TUB: variants seen among roughly 807,000 people sequenced by gnomAD.
TUB encodes tubby protein homolog.
In TUB, 33 loss-of-function variants were observed where a neutral mutation model predicts 59.7. The observed-to-expected ratio is 0.55, with a 90% CI of 0.42 to 0.74. The LOEUF (loss-of-function observed/expected upper bound fraction) is 0.74. TUB is among the 30% of genes least tolerant of loss of function. The probability of loss-of-function intolerance (pLI) is 0.00; values close to 1 mark genes in which losing one functional copy is unlikely to be tolerated. For missense variants in TUB, 659 were observed against 672.0 expected, an observed-to-expected ratio of 0.98 and a Z score of 0.21; for synonymous variants, 293 against 256.4, an observed-to-expected ratio of 1.14 and a Z score of -1.36.
At chr11:8,023,438 C>T (rs977901049) in intron 1 of TUB, among the ~76,000 whole-genome samples, 1 of 152,190 alleles carries the variant, frequency 6.6e-6, no homozygotes, top group Admixed American at 6.5e-5. Flanking sequence ...TGCCAAAGTG[C>T]TCCTCTTTTC....
chr11:8,104,065 T>C lies in TUB; in HGVS notation c.*2446T>C, dbSNP rs529270789. The C allele has an allele frequency of 1.3e-5, 2 of 152,374 alleles. No individual in the cohort carries two copies. The highest frequency in any genetic ancestry group is 4.1e-4 in the South Asian group (2 of 4,826). The allele number at this position is 152,374 out of a possible 1,614,324, so 9.4% of individuals were successfully genotyped here. The stretch of plus-strand genomic sequence containing the variant: ...CTGAGTGCACTCCTGGTGATCCTGG[T>C]TTTCCTTGACCACTGGCCCTGGGGC... On this transcript the variant is annotated 3_prime_UTR_variant, in exon 12 of 12. Coordinates refer to ENST00000299506, the MANE Select transcript of TUB (RefSeq NM_177972.3).
intron 9 of TUB, 70 bp from the exon 10 acceptor site, chr11:8,100,433 C>T: frequency 5.7e-6 from 7 of 1,231,162 alleles, no homozygotes; most frequent in Middle Eastern, 2.2e-4. Flanking sequence ...CTCTTTATTC[C>T]CGTCCCCCCC....
At chr11:8,040,438 G>T (rs1199819634) in intron 2 of TUB, among the ~76,000 whole-genome samples, 6 of 152,140 alleles carry the variant, frequency 3.9e-5, no homozygotes, top group Non-Finnish European at 7.3e-5. Context: ...GAGAAATGGG[G>T]GGCACCTGGG....
chr11:8,090,609 C>T (rs974047750), intron 3 of TUB, among the ~76,000 whole-genome samples: 1 of 152,180 alleles, frequency 6.6e-6, no homozygotes, highest in Admixed American at 6.5e-5. Context: ...ACTGTCCTGC[C>T]CCATATCAAC....
intron 3 of TUB, among the ~76,000 whole-genome samples, chr11:8,092,383 T>C (rs910795352): frequency 1.3e-5 from 2 of 151,982 alleles, no homozygotes; most frequent in Admixed American, 1.3e-4. Context: ...ATCGTGCCAC[T>C]GCAATCCAGC....
At chr11:8,075,406 A>G (rs1881234) in intron 2 of TUB, among the ~76,000 whole-genome samples, 120,092 of 152,146 alleles carry the variant, frequency 0.79, 49,090 homozygotes, top group East Asian at 1. Flanking sequence ...AGCAGATTAT[A>G]TATAACCTTT....
intron 2 of TUB, among the ~76,000 whole-genome samples, chr11:8,055,483 A>G (rs1199688035): frequency 6.6e-6 from 1 of 151,946 alleles, no homozygotes; most frequent in Non-Finnish European, 1.5e-5. Context: ...CATGGGCCCC[A>G]GAGCCCACCC....
At chr11:8,042,850 T>C (rs1462664700) in intron 2 of TUB, among the ~76,000 whole-genome samples, 1 of 152,204 alleles carries the variant, frequency 6.6e-6, no homozygotes, top group African/African-American at 2.4e-5. Flanking sequence ...AAGACCCTTA[T>C]CAGATATATG....
intron 2 of TUB, among the ~76,000 whole-genome samples, chr11:8,059,298 C>T (rs917766112): frequency 6.6e-6 from 1 of 152,134 alleles, no homozygotes; most frequent in Non-Finnish European, 1.5e-5. Context: ...GCTCACAGCC[C>T]AGCAGAGGAG....
chr11:8,066,815 A>T (rs1270993559), intron 2 of TUB, among the ~76,000 whole-genome samples: 1 of 152,194 alleles, frequency 6.6e-6, no homozygotes. Context: ...CTGCATGAAC[A>T]GCCTACCAGG....
chr11:8,100,514 C>T lies in TUB; in HGVS notation c.1128C>T (p.Val376=). The T allele has an allele frequency of 6.2e-7, 1 of 1,614,106 alleles. No individual in the cohort carries two copies. The highest frequency in any genetic ancestry group is 1.7e-5 in the Admixed American group (1 of 60,024). ...ELAAVCYETN[V]LGFKGPRKMS... Reference sequence around the variant, plus strand: ...GTTCTCTTTCCCAGGAGACAAACGTCTTAGGCTTCAAGGGGCCTCGGAAGA... The same window carrying T: ...GTTCTCTTTCCCAGGAGACAAACGTTTTAGGCTTCAAGGGGCCTCGGAAGA... Residue 376 remains valine (V), a synonymous_variant, in exon 10 of 12, where the codon GTC becomes GTT. Coordinates refer to ENST00000299506, the MANE Select transcript of TUB (RefSeq NM_177972.3).
At chr11:8,057,364 A>T (rs1943036841) in intron 2 of TUB, among the ~76,000 whole-genome samples, 1 of 152,134 alleles carries the variant, frequency 6.6e-6, no homozygotes, top group Admixed American at 6.6e-5. Flanking sequence ...ATGAACTGGG[A>T]GAGAGGGGAG....
At chr11:8,079,946 G>A (rs1943514350), upstream of TUB, among the ~76,000 whole-genome samples, 1 of 152,126 alleles carries the variant, frequency 6.6e-6, no homozygotes, top group African/African-American at 2.4e-5. Flanking sequence ...TAATATGTAC[G>A]TAGCACCTAA....
chr11:8,024,821 A>G (rs1942478158), intron 1 of TUB, among the ~76,000 whole-genome samples: 1 of 152,168 alleles, frequency 6.6e-6, no homozygotes, highest in African/African-American at 2.4e-5. Flanking sequence ...TTGTTTTGCA[A>G]TTATGTTTGT....
chr11:8,030,118 G>T (rs1043758078), intron 1 of TUB, among the ~76,000 whole-genome samples: 5 of 152,056 alleles, frequency 3.3e-5, no homozygotes, highest in Non-Finnish European at 7.4e-5. Context: ...ATGGAGGTGG[G>T]GCATGGACTT....
At chr11:8,060,650 AGT>A (rs1432345240) in intron 2 of TUB, among the ~76,000 whole-genome samples, 1 of 152,160 alleles carries the variant, frequency 6.6e-6, no homozygotes, top group African/African-American at 2.4e-5. Context: ...AGAGACTGAG[AGT>A]GTGGAAATCT....
intron 1 of TUB, among the ~76,000 whole-genome samples, chr11:8,021,566 T>G (rs578055289): frequency 6.6e-6 from 1 of 152,298 alleles, no homozygotes; most frequent in East Asian, 1.9e-4. Flanking sequence ...AAATTGCTGT[T>G]TTATTAATGC....
upstream of TUB, among the ~76,000 whole-genome samples, chr11:8,079,945 C>T (rs914248279): frequency 3.9e-5 from 6 of 152,138 alleles, no homozygotes; most frequent in East Asian, 1.9e-4. Flanking sequence ...ATAATATGTA[C>T]GTAGCACCTA....
chr11:8,077,865 C>G (rs2133806806), upstream of TUB: 1 of 152,360 alleles, frequency 6.6e-6, no homozygotes, highest in African/African-American at 2.4e-5. Flanking sequence ...CACTGCAGCC[C>G]TGCATCAGCC....
Sources: gnomAD v4.1 joint callset for allele counts (sites outside exome capture counted in the v4.1 genomes callset) on GRCh38, gnomAD v4.1.1 for gene constraint, MANE v1.5 for transcripts, NCBI Gene and HGNC (gene_info 2026-07-23, HGNC 2026-07-21) for gene names.